Variants in KCND3 observed in about 807,000 individuals in gnomAD.
KCND3 encodes the protein A-type voltage-gated potassium channel KCND3.
In KCND3, 9 loss-of-function variants were observed where a neutral mutation model predicts 51.1. The ratio of observed to expected loss-of-function variants is 0.18; its 90% CI spans 0.11 to 0.31. The LOEUF (loss-of-function observed/expected upper bound fraction) is 0.31, where lower values mean the gene tolerates loss of function less well. KCND3 is among the 10% of genes least tolerant of loss of function. The pLI is 1.00. For synonymous variants in KCND3, 349 were observed against 368.0 expected (o/e 0.95, Z 0.59); for missense variants, 526 against 903.8 (o/e 0.58, Z 5.36).
At chr1:111,888,453 A>C (rs1669666148) in intron 2 of KCND3, among the ~76,000 whole-genome samples, 2 of 152,226 alleles carry the variant, frequency 1.3e-5, no homozygotes. Flanking sequence ...TGGGAGGCCA[A>C]GGCGGGTGGA....
At chr1:111,977,922 T>C (rs923551043) in intron 2 of KCND3, among the ~76,000 whole-genome samples, 1 of 152,196 alleles carries the variant, frequency 6.6e-6, no homozygotes, top group Non-Finnish European at 1.5e-5. Flanking sequence ...TTTATTTTAT[T>C]TATAGCATCA....
At chr1:111,827,781 A>G (rs966747913) in intron 2 of KCND3, among the ~76,000 whole-genome samples, 8 of 152,070 alleles carry the variant, frequency 5.3e-5, no homozygotes, top group African/African-American at 1.9e-4. Context: ...AGGAATGTTG[A>G]TATGATGGAG....
At chr1:111,920,012 T>G (rs191411669) in intron 2 of KCND3, among the ~76,000 whole-genome samples, 1 of 152,264 alleles carries the variant, frequency 6.6e-6, no homozygotes, top group East Asian at 1.9e-4. Context: ...TACTTCTTAC[T>G]CCTCCTTAGG....
At chr1:111,975,041 G>A (rs921529542) in intron 2 of KCND3, among the ~76,000 whole-genome samples, 1 of 152,226 alleles carries the variant, frequency 6.6e-6, no homozygotes, top group Non-Finnish European at 1.5e-5. Flanking sequence ...TATCATAGCT[G>A]CTGAGTTTTA....
chr1:111,977,373 C>T (rs745517941), intron 2 of KCND3, among the ~76,000 whole-genome samples: 11 of 152,174 alleles, frequency 7.2e-5, no homozygotes, highest in Admixed American at 3.9e-4. Flanking sequence ...TCAGGCAGGC[C>T]CCTTCCAGGA....
chr1:111,947,295 T>C (rs1246693298), intron 2 of KCND3, among the ~76,000 whole-genome samples: 1 of 152,234 alleles, frequency 6.6e-6, no homozygotes, highest in African/African-American at 2.4e-5. Context: ...ATGATTACCA[T>C]GTGCCAGGCA....
chr1:111,908,718 C>G (rs1670767923), intron 2 of KCND3, among the ~76,000 whole-genome samples: 1 of 152,092 alleles, frequency 6.6e-6, no homozygotes, highest in Non-Finnish European at 1.5e-5. Context: ...TGACTTAATT[C>G]AACACTTTTT....
intron 2 of KCND3, among the ~76,000 whole-genome samples, chr1:111,827,590 T>C (rs1265110959): frequency 1.3e-5 from 2 of 152,196 alleles, no homozygotes; most frequent in African/African-American, 2.4e-5. Context: ...TGCCAAGCGC[T>C]GGACTAAGAA....
In KCND3 at chr1:111,780,606, G is replaced by T; in HGVS notation, c.1371+84C>A. ...CCTTGGGGTTCATACTGGGGCTCTG[G>T]TGAGAGTGCTGGTGTCCCGGGAAAG... On this transcript the variant is annotated intron_variant, in intron 4 of 7. Coordinates refer to ENST00000302127, the MANE Select transcript of KCND3 (RefSeq NM_001378969.1). The surrounding 1 kb of genome is among the most constrained non-coding windows in gnomAD (Gnocchi z 4.2). The T allele has an allele frequency of 8.2e-7, 1 of 1,212,344 alleles. No homozygotes were observed. The highest frequency in any genetic ancestry group is 1.3e-5 in the South Asian group (1 of 77,100). The allele number at this position is 1,212,344 out of a possible 1,614,324, so 75.1% of individuals were successfully genotyped here.
chr1:111,878,271 C>CA (rs1669143546), intron 2 of KCND3, among the ~76,000 whole-genome samples: 2 of 152,246 alleles, frequency 1.3e-5, no homozygotes, highest in Non-Finnish European at 2.9e-5. Flanking sequence ...TCCTATTTCC[C>CA]AGAGTGTGAA....
At position 111,834,172 on chromosome 1, in the gene KCND3, A is replaced by G. The variant is rs1666975122; in HGVS notation, c.1107-47066T>C. Among the ~76,000 whole-genome samples, 3 of 152,298 alleles carry G rather than the reference A, an allele frequency of 2.0e-5. No individual in the cohort carries two copies. In the South Asian group the frequency reaches 6.2e-4, roughly 32 times the overall value. On this transcript the variant is annotated intron_variant, in intron 2 of 7. Transcript: ENST00000302127. Reference sequence around the variant, plus strand: ...TGCATCTAGCTCTCTCCCTGTTCCAACTCACCTTGGAGTTGGAAAAGAGGG... The same window carrying G: ...TGCATCTAGCTCTCTCCCTGTTCCAGCTCACCTTGGAGTTGGAAAAGAGGG...
intron 2 of KCND3, among the ~76,000 whole-genome samples, chr1:111,948,485 C>T (rs576782446): frequency 1.3e-5 from 2 of 152,318 alleles, no homozygotes; most frequent in East Asian, 3.9e-4. Flanking sequence ...CTCTTCCCTT[C>T]CCCACAGCAT....
intron 2 of KCND3, among the ~76,000 whole-genome samples, chr1:111,843,196 G>C (rs1216420220): frequency 6.6e-6 from 1 of 152,172 alleles, no homozygotes. Context: ...AGTCTCCGGA[G>C]TTTGGGGTTT....
intron 2 of KCND3, among the ~76,000 whole-genome samples, chr1:111,885,874 T>C (rs1365682653): frequency 3.3e-5 from 5 of 152,154 alleles, no homozygotes; most frequent in Non-Finnish European, 7.3e-5. Flanking sequence ...GGTTTCACCA[T>C]GTTGGCCAGG....
intron 2 of KCND3, among the ~76,000 whole-genome samples, chr1:111,857,857 T>C (rs1668152429): frequency 6.6e-6 from 1 of 152,156 alleles, no homozygotes; most frequent in African/African-American, 2.4e-5. Flanking sequence ...TCACTTTTTT[T>C]GCAATCTAGA....
At chr1:111,985,218 G>A (rs1317486688) in intron 1 of KCND3, among the ~76,000 whole-genome samples, 1 of 152,188 alleles carries the variant, frequency 6.6e-6, no homozygotes, top group Non-Finnish European at 1.5e-5. Context: ...CTGATGGTGT[G>A]CCAGGCACAG....
intron 2 of KCND3, among the ~76,000 whole-genome samples, chr1:111,970,769 G>A (rs1191377845): frequency 3.9e-5 from 6 of 152,168 alleles, no homozygotes; most frequent in African/African-American, 1.2e-4. Context: ...TGTAGAATGG[G>A]AACCTAACAT....
chr1:111,807,072 C>T (rs1248122662), intron 2 of KCND3, among the ~76,000 whole-genome samples: 1 of 152,176 alleles, frequency 6.6e-6, no homozygotes, highest in Non-Finnish European at 1.5e-5. Flanking sequence ...AATACTGATT[C>T]TAAACCACAG....
intron 2 of KCND3, among the ~76,000 whole-genome samples, chr1:111,932,244 C>T (rs530489283): frequency 6.6e-6 from 1 of 152,304 alleles, no homozygotes; most frequent in Non-Finnish European, 1.5e-5. Flanking sequence ...TACCCTATGT[C>T]AGAAAAGGTA....
Sources: gnomAD v4.1 joint callset for allele counts (sites outside exome capture counted in the v4.1 genomes callset) on GRCh38, gnomAD v4.1.1 for gene constraint, Gnocchi (gnomAD v3.1) non-coding constraint, MANE v1.5 for transcripts, NCBI Gene and HGNC (gene_info 2026-07-23, HGNC 2026-07-21) for gene names.